IMMP2L: variants seen among roughly 807,000 people sequenced by gnomAD.
IMMP2L encodes the protein inner mitochondrial membrane peptidase subunit 2, also known as mitochondrial inner membrane protease subunit 2.
IMMP2L carries 18 observed loss-of-function variants against 19.3 expected under a neutral mutation model. That is an observed-to-expected ratio of 0.93 (90% CI 0.64 to 1.38). The LOEUF is 1.38. Among genes scored for constraint, IMMP2L ranks in the 40% most tolerant of loss-of-function variants. IMMP2L has a pLI of 0.00. For missense variants in IMMP2L, 233 were observed against 218.2 expected (o/e 1.07, Z -0.43); for synonymous variants, 76 against 73.0 (o/e 1.04, Z -0.21).
intron 3 of IMMP2L, among the ~76,000 whole-genome samples, chr7:111,367,174 C>T (rs1326334940): frequency 1.3e-5 from 2 of 150,626 alleles, no homozygotes; most frequent in African/African-American, 2.4e-5. Context: ...TACCTACATG[C>T]TACATATATT....
At position 111,377,376 on chromosome 7, in the gene IMMP2L, A is replaced by G. The variant is rs1015970805; in HGVS notation, c.239+109862T>C. Among the ~76,000 whole-genome samples the G allele has an allele frequency of 5.3e-5, 8 of 152,092 alleles. No homozygotes were observed. In the East Asian group the frequency reaches 1.2e-3, roughly 22 times the overall value. On this transcript the variant is annotated intron_variant, in intron 3 of 5. Coordinates refer to ENST00000405709, the MANE Select transcript of IMMP2L (RefSeq NM_032549.4). ...CAGCTCTATAGTATAGTATCCCTCT[A>G]TACTACAGCTCTGTAGTATAGCATC...
intron 3 of IMMP2L, among the ~76,000 whole-genome samples, chr7:111,305,053 G>A (rs1377470658): frequency 6.6e-6 from 1 of 152,056 alleles, no homozygotes; most frequent in African/African-American, 2.4e-5. Flanking sequence ...TTTGACAAGT[G>A]TATGAATAGA....
rs146650223 is a variant in IMMP2L, at chr7:110,845,545, T to C, written c.408+41048A>G. Among the ~76,000 whole-genome samples the C allele has an allele frequency of 5.0e-3, 762 of 152,276 alleles. 9 individuals carry two copies. Among genetic ancestry groups the C allele is most frequent in the African/African-American group, 0.018 (734 of 41,560 alleles). On this transcript the variant is annotated intron_variant, in intron 5 of 5. Coordinates refer to ENST00000405709, the MANE Select transcript of IMMP2L (RefSeq NM_032549.4). The stretch of plus-strand genomic sequence containing the variant: ...TTTTTATCAGCTATATTTACACTAG[T>C]TTCTCTCTGTTCTATGGCATTCATC...
chr7:110,701,942 TA>T (rs1265123065), intron 5 of IMMP2L, among the ~76,000 whole-genome samples: 6 of 152,102 alleles, frequency 3.9e-5, no homozygotes, highest in African/African-American at 1.4e-4. Flanking sequence ...TTTTTATTTT[TA>T]TTTTTTTTCT....
intron 3 of IMMP2L, among the ~76,000 whole-genome samples, chr7:111,289,859 C>T (rs988049448): frequency 6.6e-6 from 1 of 151,700 alleles, no homozygotes. Context: ...TGTGACCTCA[C>T]GGAAATTTTG....
chr7:111,550,112 C>G (rs981179700), intron 1 of IMMP2L, among the ~76,000 whole-genome samples: 3 of 151,934 alleles, frequency 2.0e-5, no homozygotes, highest in African/African-American at 7.3e-5. Flanking sequence ...AACTCTTATT[C>G]AAGCAACTAT....
At chr7:111,001,120 G>A (rs998673836) in intron 3 of IMMP2L, among the ~76,000 whole-genome samples, 2 of 152,256 alleles carry the variant, frequency 1.3e-5, no homozygotes, top group African/African-American at 4.8e-5. Flanking sequence ...GTAAACCTCT[G>A]CATGTAGAAT....
At chr7:110,844,388 G>A (rs1350706771) in intron 5 of IMMP2L, among the ~76,000 whole-genome samples, 2 of 151,974 alleles carry the variant, frequency 1.3e-5, no homozygotes, top group Non-Finnish European at 2.9e-5. Flanking sequence ...ACATAAGAGA[G>A]AAAATGTTTC....
At chr7:110,850,443 G>C (rs1359146228) in intron 5 of IMMP2L, among the ~76,000 whole-genome samples, 2 of 152,002 alleles carry the variant, frequency 1.3e-5, no homozygotes, top group African/African-American at 4.8e-5. Flanking sequence ...CCTGCCCCTT[G>C]ATTTACATAT....
At chr7:111,204,443 T>C (rs1810482939) in intron 3 of IMMP2L, among the ~76,000 whole-genome samples, 1 of 152,158 alleles carries the variant, frequency 6.6e-6, no homozygotes, top group Non-Finnish European at 1.5e-5. Flanking sequence ...TAATATGCTG[T>C]ACAGTTTTCC....
intron 3 of IMMP2L, among the ~76,000 whole-genome samples, chr7:111,013,936 G>T (rs1825231577): frequency 1.3e-5 from 2 of 151,900 alleles, no homozygotes; most frequent in Admixed American, 1.3e-4. Context: ...TCATATCAAG[G>T]AGGTCTTGAC....
intron 3 of IMMP2L, among the ~76,000 whole-genome samples, chr7:111,180,429 G>C (rs931289059): frequency 6.6e-6 from 1 of 151,986 alleles, no homozygotes. Context: ...CCACACATTT[G>C]TCAATTCAAC....
At chr7:111,117,141 G>C (rs980925170) in intron 3 of IMMP2L, among the ~76,000 whole-genome samples, 2 of 152,084 alleles carry the variant, frequency 1.3e-5, no homozygotes, top group African/African-American at 4.8e-5. Context: ...TCCTAAATTT[G>C]TTAATGGCAT....
chr7:111,134,426 T>C (rs965083917), intron 3 of IMMP2L, among the ~76,000 whole-genome samples: 1 of 152,038 alleles, frequency 6.6e-6, no homozygotes, highest in African/African-American at 2.4e-5. Flanking sequence ...TTTCTTATCA[T>C]TGTGCCCTCC....
intron 5 of IMMP2L, among the ~76,000 whole-genome samples, chr7:110,666,724 A>C (rs546838376): frequency 3.2e-4 from 49 of 152,246 alleles, no homozygotes; most frequent in African/African-American, 1.2e-3. Flanking sequence ...CCCTTCTTCC[A>C]CAGTGATTAC....
At chr7:110,944,061 G>A (rs1041455286) in intron 4 of IMMP2L, among the ~76,000 whole-genome samples, 8 of 151,968 alleles carry the variant, frequency 5.3e-5, no homozygotes, top group Admixed American at 2.0e-4. Flanking sequence ...CAGGATTGAA[G>A]TTTTATAAAT....
chr7:110,695,050 G>C (rs1376249807), intron 5 of IMMP2L, among the ~76,000 whole-genome samples: 2 of 152,120 alleles, frequency 1.3e-5, no homozygotes, highest in Non-Finnish European at 2.9e-5. Context: ...TCATTGCCAG[G>C]GGGTGTGAGG....
At position 111,372,693 on chromosome 7, in the gene IMMP2L, A is replaced by T. The variant is rs150447685; in HGVS notation, c.239+114545T>A. The stretch of plus-strand genomic sequence containing the variant: ...ATGAGCATGGTACAGGATGGCAGAT[A>T]AGAAAGGGTATTTAATCTATCTCTT... On this transcript the variant is annotated intron_variant, in intron 3 of 5. Transcript: ENST00000405709. 2.5e-3 allele frequency among the ~76,000 whole-genome samples: 384 copies of T among 152,154 alleles called. 1 individual carries two copies. Among genetic ancestry groups the T allele is most frequent in the African/African-American group, 8.6e-3 (359 of 41,546 alleles).
intron 3 of IMMP2L, among the ~76,000 whole-genome samples, chr7:111,105,001 T>C (rs1373570685): frequency 6.6e-6 from 1 of 151,892 alleles, no homozygotes; most frequent in Non-Finnish European, 1.5e-5. Context: ...AATGTGAATC[T>C]ACTTGCCAGA....
Sources: gnomAD v4.1 joint callset for allele counts (sites outside exome capture counted in the v4.1 genomes callset) on GRCh38, gnomAD v4.1.1 for gene constraint, MANE v1.5 for transcripts, NCBI Gene and HGNC (gene_info 2026-07-23, HGNC 2026-07-21) for gene names.